MED12L: variants seen among roughly 807,000 people sequenced by gnomAD.
MED12L encodes mediator of RNA polymerase II transcription subunit 12-like protein.
Under a neutral mutation model 281.3 loss-of-function variants are expected in MED12L, and 60 were observed. The observed-to-expected ratio is 0.21, with a 90% CI of 0.17 to 0.26. The LOEUF (loss-of-function observed/expected upper bound fraction) is 0.26, where lower values mean the gene tolerates loss of function less well. Ranked by LOEUF, MED12L falls within the 10% of genes least tolerant of loss-of-function variation. The pLI, the probability that MED12L is intolerant of heterozygous loss-of-function variation, is 1.00. For missense variants in MED12L, 2,146 were observed against 2,680.9 expected (o/e 0.80, Z 4.41); for synonymous variants, 974 against 987.2 (o/e 0.99, Z 0.25).
intron 16 of MED12L, among the ~76,000 whole-genome samples, chr3:151,342,446 C>T (rs920618707): frequency 6.6e-6 from 1 of 152,194 alleles, no homozygotes; most frequent in Non-Finnish European, 1.5e-5. Flanking sequence ...TGCAGAGCAG[C>T]AGCTCTGCAT....
intron 43 of MED12L, among the ~76,000 whole-genome samples, chr3:151,417,487 C>CTCTTT (rs1717742249): frequency 2.5e-5 from 2 of 78,818 alleles, no homozygotes; most frequent in African/African-American, 5.0e-5. Flanking sequence ...CCCCCCCCGC[C>CTCTTT]TTTTTTTTTT....
chr3:151,263,758 G>T (rs185373772), intron 16 of MED12L, among the ~76,000 whole-genome samples: 1 of 106,742 alleles, frequency 9.4e-6, no homozygotes, highest in Admixed American at 9.4e-5. Flanking sequence ...CTGGATTCCC[G>T]TACCACCCCC....
At chr3:151,208,237 G>A (rs999215682) in intron 16 of MED12L, among the ~76,000 whole-genome samples, 1 of 152,206 alleles carries the variant, frequency 6.6e-6, no homozygotes, top group African/African-American at 2.4e-5. Flanking sequence ...TTGATGTGGA[G>A]TTGAAGTTGG....
At chr3:151,334,690 G>A (rs1272495379) in intron 16 of MED12L, among the ~76,000 whole-genome samples, 1 of 152,020 alleles carries the variant, frequency 6.6e-6, no homozygotes, top group Non-Finnish European at 1.5e-5. Context: ...AGTAGAGACA[G>A]GGCTTCACCA....
At chr3:151,101,649 G>C (rs113615511) in intron 2 of MED12L, among the ~76,000 whole-genome samples, 26 of 147,380 alleles carry the variant, frequency 1.8e-4, no homozygotes, top group African/African-American at 5.5e-4. Context: ...GAGGAGGGGG[G>C]CAGTTTTTCT....
intron 43 of MED12L, among the ~76,000 whole-genome samples, chr3:151,422,400 C>T (rs1312956100): frequency 6.6e-6 from 1 of 152,182 alleles, no homozygotes; most frequent in East Asian, 1.9e-4. Flanking sequence ...GAATCTGTTC[C>T]ATGCCTCTCC....
chr3:151,283,839 A>G (rs1490683854), intron 16 of MED12L, among the ~76,000 whole-genome samples: 1 of 152,222 alleles, frequency 6.6e-6, no homozygotes, highest in Non-Finnish European at 1.5e-5. Flanking sequence ...CAAGTGTATT[A>G]AATCATCTAA....
intron 16 of MED12L, among the ~76,000 whole-genome samples, chr3:151,209,666 T>G (rs531451864): frequency 3.3e-5 from 5 of 152,320 alleles, no homozygotes; most frequent in South Asian, 2.1e-4. Context: ...ATATTATCTC[T>G]TGATGTTACA....
chr3:151,405,001 C>T (rs896956546), intron 39 of MED12L, among the ~76,000 whole-genome samples: 2 of 152,136 alleles, frequency 1.3e-5, no homozygotes, highest in East Asian at 1.9e-4. Context: ...TAAAACTTAT[C>T]GGATGCATTC....
intron 11 of MED12L, among the ~76,000 whole-genome samples, chr3:151,179,009 A>G (rs774570723): frequency 3.3e-5 from 5 of 152,326 alleles, no homozygotes; most frequent in East Asian, 1.9e-4. Context: ...GTCCATGACT[A>G]GAATAAGCAA....
chr3:151,162,781 T>A (rs1720169728), intron 8 of MED12L, among the ~76,000 whole-genome samples: 1 of 152,188 alleles, frequency 6.6e-6, no homozygotes, highest in Non-Finnish European at 1.5e-5. Flanking sequence ...AAAAATTTGC[T>A]GTTGAATGGC....
intron 16 of MED12L, among the ~76,000 whole-genome samples, chr3:151,217,734 A>C (rs1374360685): frequency 6.6e-6 from 1 of 152,210 alleles, no homozygotes; most frequent in African/African-American, 2.4e-5. Flanking sequence ...CAAGCTAAAG[A>C]GAAATTCCAA....
At chr3:151,261,865 C>T (rs1202056033) in intron 16 of MED12L, among the ~76,000 whole-genome samples, 4 of 152,102 alleles carry the variant, frequency 2.6e-5, no homozygotes, top group Non-Finnish European at 5.9e-5. Context: ...GCTGGGACTA[C>T]AGGCGTTCGT....
chr3:151,099,564 A>G (rs536413455), intron 2 of MED12L, among the ~76,000 whole-genome samples: 1 of 152,256 alleles, frequency 6.6e-6, no homozygotes, highest in East Asian at 1.9e-4. Context: ...TTAGTTCTGC[A>G]TTCAATCTGT....
chr3:151,373,057 T>C lies in MED12L; in HGVS notation c.3864+291T>C, dbSNP rs982386731. The stretch of plus-strand genomic sequence containing the variant: ...TTCTGAATCATTTAAGAGTAGATTG[T>C]ATATTTTATTCTTTTGAATATTGCA... On this transcript the variant is annotated intron_variant, in intron 27 of 44. Coordinates refer to ENST00000687756, the MANE Select transcript of MED12L (RefSeq NM_001393769.1). 5.9e-5 allele frequency among the ~76,000 whole-genome samples: 9 copies of C among 152,230 alleles called. 1 individual carries two copies. The highest frequency in any genetic ancestry group is 1.3e-4 in the Non-Finnish European group (9 of 68,034).
At chr3:151,127,149 A>T (rs115566050) in intron 4 of MED12L, among the ~76,000 whole-genome samples, 2,792 of 152,308 alleles carry the variant, frequency 0.018, 91 homozygotes, top group African/African-American at 0.064. Flanking sequence ...TTCAGTGTAC[A>T]TTGGGATACT....
At chr3:151,230,966 G>T (rs1171439898) in intron 16 of MED12L, among the ~76,000 whole-genome samples, 1 of 152,124 alleles carries the variant, frequency 6.6e-6, no homozygotes, top group East Asian at 1.9e-4. Context: ...GACATCTTTT[G>T]ATCAGAAAGC....
chr3:151,112,135 AGT>A (rs1711995409), intron 2 of MED12L, among the ~76,000 whole-genome samples: 1 of 152,202 alleles, frequency 6.6e-6, no homozygotes, highest in Admixed American at 6.5e-5. Flanking sequence ...CTGTAGCAAG[AGT>A]GTATCACAGT....
chr3:151,409,214 C>A, intron 39 of MED12L, 29 bp from the exon 40 acceptor site: 1 of 1,562,764 alleles, frequency 6.4e-7, no homozygotes, highest in Non-Finnish European at 8.6e-7. Flanking sequence ...CTGTTATGAT[C>A]AAGAGTTTGC....
Sources: gnomAD v4.1 joint callset for allele counts (sites outside exome capture counted in the v4.1 genomes callset) on GRCh38, gnomAD v4.1.1 for gene constraint, MANE v1.5 for transcripts, NCBI Gene and HGNC (gene_info 2026-07-23, HGNC 2026-07-21) for gene names.